Variants in SCFD2 observed in about 807,000 individuals in gnomAD.
SCFD2 encodes sec1 family domain-containing protein 2.
A neutral mutation model predicts 58.9 loss-of-function variants in SCFD2; 54 were observed. That is an observed-to-expected ratio of 0.92 (90% CI 0.74 to 1.15). The LOEUF is 1.15. SCFD2 is among the 50% of genes most tolerant of loss of function. The pLI is 0.00. For synonymous variants in SCFD2, 321 were observed against 335.9 expected (o/e 0.96, Z 0.49); for missense variants, 805 against 836.6 (o/e 0.96, Z 0.47).
chr4:53,029,791 T>A (rs553327145), intron 5 of SCFD2, among the ~76,000 whole-genome samples: 4 of 152,324 alleles, frequency 2.6e-5, no homozygotes, highest in African/African-American at 9.6e-5. Flanking sequence ...AAAATGAACC[T>A]CAACTAACAC....
rs116467018 is a variant in SCFD2, at chr4:53,019,356, G to T, written c.1562-98486C>A. Among the ~76,000 whole-genome samples, 6 of 152,116 alleles carry T rather than the reference G, an allele frequency of 3.9e-5. No homozygotes were observed. The East Asian group carries it at 1.2e-3, about 29-fold the overall frequency. Reference sequence around the variant, plus strand: ...TATTTAAAGCCCTGTTTATGTAGGTGTATAGATAGATAGATACTTATATGT... The same window carrying T: ...TATTTAAAGCCCTGTTTATGTAGGTTTATAGATAGATAGATACTTATATGT... On this transcript the variant is annotated intron_variant, in intron 5 of 8. Coordinates refer to ENST00000401642, the MANE Select transcript of SCFD2 (RefSeq NM_152540.4).
intron 6 of SCFD2, among the ~76,000 whole-genome samples, chr4:52,913,377 T>C (rs1427782012): frequency 6.6e-6 from 1 of 152,094 alleles, no homozygotes; most frequent in African/African-American, 2.4e-5. Flanking sequence ...GGCTTTAGAT[T>C]CTCCTAGGAT....
At chr4:53,223,085 G>A (rs1392831872) in intron 4 of SCFD2, among the ~76,000 whole-genome samples, 3 of 151,996 alleles carry the variant, frequency 2.0e-5, no homozygotes, top group Non-Finnish European at 4.4e-5. Flanking sequence ...CTGAGATGAT[G>A]GACAAATGTT....
chr4:53,166,740 C>A (rs1197304790), intron 4 of SCFD2, among the ~76,000 whole-genome samples: 2 of 147,846 alleles, frequency 1.4e-5, no homozygotes, highest in Non-Finnish European at 1.5e-5. Flanking sequence ...AGGCAGCCAG[C>A]AATCAAGCAA....
At chr4:53,227,359 C>A (rs778162492) in intron 4 of SCFD2, among the ~76,000 whole-genome samples, 2 of 152,086 alleles carry the variant, frequency 1.3e-5, no homozygotes, top group Non-Finnish European at 1.5e-5. Flanking sequence ...CAGTGAAATT[C>A]TCCTGTGTAG....
chr4:53,000,512 A>G (rs1027510865), intron 5 of SCFD2, among the ~76,000 whole-genome samples: 3 of 152,140 alleles, frequency 2.0e-5, no homozygotes, highest in Non-Finnish European at 2.9e-5. Context: ...CTTTGCACCT[A>G]TTCTACTGGA....
At chr4:53,219,956 A>T (rs1267958005) in intron 4 of SCFD2, among the ~76,000 whole-genome samples, 5 of 152,108 alleles carry the variant, frequency 3.3e-5, no homozygotes, top group Non-Finnish European at 5.9e-5. Context: ...ACACCACAGC[A>T]GTGGCCTCCA....
intron 4 of SCFD2, among the ~76,000 whole-genome samples, chr4:53,267,890 C>T (rs1731038561): frequency 6.6e-6 from 1 of 152,182 alleles, no homozygotes; most frequent in Non-Finnish European, 1.5e-5. Flanking sequence ...ATTAATATGT[C>T]AAATTTCTTC....
intron 5 of SCFD2, among the ~76,000 whole-genome samples, chr4:52,959,681 A>G (rs142161040): frequency 9.1e-4 from 139 of 152,270 alleles, no homozygotes; most frequent in African/African-American, 3.2e-3. Flanking sequence ...CCTCCTCTAA[A>G]ATGTTTAAAC....
At chr4:52,937,885 G>A (rs1171175316) in intron 5 of SCFD2, among the ~76,000 whole-genome samples, 2 of 152,140 alleles carry the variant, frequency 1.3e-5, no homozygotes, top group Non-Finnish European at 2.9e-5. Flanking sequence ...GGTTAAGGTA[G>A]CTTTAAGAAA....
At chr4:52,939,777 A>G (rs534204439) in intron 5 of SCFD2, among the ~76,000 whole-genome samples, 28 of 152,240 alleles carry the variant, frequency 1.8e-4, no homozygotes, top group African/African-American at 6.7e-4. Context: ...GAAATAAATG[A>G]GGAATAATGG....
intron 4 of SCFD2, among the ~76,000 whole-genome samples, chr4:53,199,769 T>C (rs891026248): frequency 7.9e-5 from 12 of 152,104 alleles, no homozygotes; most frequent in African/African-American, 2.9e-4. Flanking sequence ...ACAAAATAAG[T>C]AGCACTGGGT....
intron 5 of SCFD2, among the ~76,000 whole-genome samples, chr4:53,001,947 C>G (rs1443923601): frequency 6.6e-6 from 1 of 152,192 alleles, no homozygotes; most frequent in Non-Finnish European, 1.5e-5. Flanking sequence ...GACTTGAATC[C>G]AAGGTGTCCA....
chr4:53,237,998 A>G (rs866156223), intron 4 of SCFD2, among the ~76,000 whole-genome samples: 3,545 of 36,536 alleles, frequency 0.097, no homozygotes, highest in Middle Eastern at 0.17. Context: ...CTGGCCGGGC[A>G]GGGGGCTGAT....
intron 3 of SCFD2, among the ~76,000 whole-genome samples, chr4:53,289,399 G>T (rs1842658): frequency 2.6e-5 from 4 of 151,952 alleles, no homozygotes; most frequent in South Asian, 2.1e-4. Context: ...CAAAAAAAAT[G>T]GTCTTATTAT....
chr4:53,251,372 A>C (rs201298065), intron 4 of SCFD2, among the ~76,000 whole-genome samples: 18,717 of 152,130 alleles, frequency 0.12, 1,304 homozygotes, highest in East Asian at 0.21. Flanking sequence ...AATCCTCCCT[A>C]ACTCATTTTA....
Position 53,218,110 on chromosome 4 carries a change from A to T in SCFD2, c.1311+55716T>A, listed in dbSNP as rs532514075. On this transcript the variant is annotated intron_variant, in intron 4 of 8. Transcript: ENST00000401642. Reference sequence around the variant, plus strand: ...TCATTTCAACTTTGGTGAATCTGACAATTATGTGTCTTGGAGTTGCTCTTC... The same window carrying T: ...TCATTTCAACTTTGGTGAATCTGACTATTATGTGTCTTGGAGTTGCTCTTC... Among the ~76,000 whole-genome samples, 3 of 152,180 alleles carry T rather than the reference A, an allele frequency of 2.0e-5. No homozygotes were observed. In the South Asian group the frequency reaches 6.2e-4, roughly 32 times the overall value.
chr4:52,919,957 G>A (rs1719696294), intron 6 of SCFD2, among the ~76,000 whole-genome samples: 1 of 152,158 alleles, frequency 6.6e-6, no homozygotes. Flanking sequence ...AAATAAATAA[G>A]ATTCCCCACA....
At chr4:53,059,676 C>G (rs1723449472) in intron 5 of SCFD2, among the ~76,000 whole-genome samples, 1 of 151,870 alleles carries the variant, frequency 6.6e-6, no homozygotes, top group Non-Finnish European at 1.5e-5. Context: ...TTCCGTATAG[C>G]CAACTTTCAA....
Sources: gnomAD v4.1 joint callset for allele counts (sites outside exome capture counted in the v4.1 genomes callset) on GRCh38, gnomAD v4.1.1 for gene constraint, MANE v1.5 for transcripts, NCBI Gene and HGNC (gene_info 2026-07-23, HGNC 2026-07-21) for gene names.